IGF1R: variants seen among roughly 807,000 people sequenced by gnomAD.
IGF1R encodes insulin-like growth factor 1 receptor.
A neutral mutation model predicts 144.6 loss-of-function variants in IGF1R; 44 were observed. The ratio of observed to expected loss-of-function variants is 0.30; its 90% confidence interval spans 0.24 to 0.39. The LOEUF is 0.39. IGF1R is among the 10% of genes least tolerant of loss of function. IGF1R has a pLI of 1.00. For synonymous variants in IGF1R, 795 were observed against 722.8 expected (o/e 1.10, Z -1.60); for missense variants, 1,355 against 1,833.7 (o/e 0.74, Z 4.77).
chr15:98,947,001 G>T (rs1348866289), intron 19 of IGF1R, among the ~76,000 whole-genome samples: 1 of 152,250 alleles, frequency 6.6e-6, no homozygotes, highest in Non-Finnish European at 1.5e-5. Flanking sequence ...CATTTCAGAT[G>T]TGTGGGTACT....
At chr15:98,900,012 C>G (rs1223995755) in intron 5 of IGF1R, among the ~76,000 whole-genome samples, 1 of 152,176 alleles carries the variant, frequency 6.6e-6, no homozygotes, top group Non-Finnish European at 1.5e-5. Flanking sequence ...GGATGCTGTA[C>G]TCTACTACGC....
chr15:98,801,234 C>T (rs2056356917), intron 2 of IGF1R, among the ~76,000 whole-genome samples: 1 of 152,162 alleles, frequency 6.6e-6, no homozygotes, highest in South Asian at 2.1e-4. Context: ...GTGCTGGGGT[C>T]CACATGTGCC....
rs2014558361 is a variant in IGF1R at position 98,902,942 on chromosome 15, G to A, written c.1247+3321G>A. On this transcript the variant is annotated intron_variant, in intron 5 of 20. Transcript: ENST00000650285. Reference sequence around the variant, plus strand: ...AAATTCAAGCATTTTACATAGAGTAGAGCTCTTATTCCTCACTCAGAGCCT... The same window carrying A: ...AAATTCAAGCATTTTACATAGAGTAAAGCTCTTATTCCTCACTCAGAGCCT... Among the ~76,000 whole-genome samples, 4 of 152,114 alleles carry A rather than the reference G, an allele frequency of 2.6e-5. No individual in the cohort carries two copies. The South Asian group carries it at 8.3e-4, about 32-fold the overall frequency.
chr15:98,899,735 G>A (rs897846382), intron 5 of IGF1R, 114 bp downstream of exon 5: 1 of 1,048,882 alleles, frequency 9.5e-7, no homozygotes, highest in Non-Finnish European at 1.5e-6. Flanking sequence ...GAAGAAAGGA[G>A]GAAGCCGCAG....
intron 2 of IGF1R, among the ~76,000 whole-genome samples, chr15:98,746,341 G>A (rs2054865202): frequency 6.6e-6 from 1 of 152,184 alleles, no homozygotes; most frequent in Admixed American, 6.5e-5. Context: ...TCAAAACTTA[G>A]TGCTATCTCC....
chr15:98,685,470 C>T (rs1380755068), intron 1 of IGF1R, among the ~76,000 whole-genome samples: 1 of 152,142 alleles, frequency 6.6e-6, no homozygotes, highest in Non-Finnish European at 1.5e-5. Flanking sequence ...ATCTAGGGCA[C>T]CCGCTTCCCA....
intron 13 of IGF1R, among the ~76,000 whole-genome samples, chr15:98,929,237 T>G (rs2015846437): frequency 1.3e-5 from 2 of 152,116 alleles, no homozygotes; most frequent in Non-Finnish European, 2.9e-5. Flanking sequence ...GTCAAATGTA[T>G]GCATTTTCAC....
chr15:98,684,056 C>A (rs4299134), intron 1 of IGF1R, among the ~76,000 whole-genome samples: 20,838 of 152,142 alleles, frequency 0.14, 2,958 homozygotes, highest in African/African-American at 0.36. Context: ...GCCTCAGTCC[C>A]TCCCTCAGCC....
rs1191582086 is a variant in IGF1R at position 98,888,438 on chromosome 15, A to AGTGTGT, written c.641-2864_641-2859dup. 1.8e-3 allele frequency among the ~76,000 whole-genome samples: 261 copies of AGTGTGT among 143,446 alleles called. 1 individual carries two copies. Among genetic ancestry groups the AGTGTGT allele is most frequent in the African/African-American group, 5.5e-3 (213 of 38,774 alleles). The allele number at this position is 143,446 out of a possible 152,430, so 94.1% of individuals were successfully genotyped here. On this transcript the variant is annotated intron_variant, in intron 2 of 20. Transcript: ENST00000650285. ...TGGGGGTTTGATGAGAGAGAGAGAG[A>AGTGTGT]GTGTGTGTGTGTGTGTGTGTGTGTG...
chr15:98,882,119 T>G (rs1026515197), intron 2 of IGF1R, among the ~76,000 whole-genome samples: 8 of 152,338 alleles, frequency 5.3e-5, no homozygotes, highest in African/African-American at 1.7e-4. Context: ...TCTACACTGT[T>G]CAGACTGCCT....
At chr15:98,892,168 C>G (rs932993141) in intron 3 of IGF1R, among the ~76,000 whole-genome samples, 3 of 152,160 alleles carry the variant, frequency 2.0e-5, no homozygotes, top group Admixed American at 2.0e-4. Flanking sequence ...CACTTCCTTC[C>G]TCTCATCCCC....
In IGF1R at chr15:98,896,921, C is replaced by G. The variant is rs781749549; in HGVS notation, c.1102+16C>G. 3.2e-5 allele frequency: 51 copies of G among 1,613,336 alleles called. No individual in the cohort carries two copies. Among genetic ancestry groups the G allele is most frequent in the Non-Finnish European group, 4.3e-5 (51 of 1,179,750 alleles). The stretch of plus-strand genomic sequence containing the variant: ...CGACGGGGGAGTAAGTATTCCATCC[C>G]CCTGGAAAAACGGCTAGATCTCATG... On this transcript the variant is annotated intron_variant, in intron 4 of 20. Coordinates refer to ENST00000650285, the MANE Select transcript of IGF1R (RefSeq NM_000875.5).
intron 2 of IGF1R, among the ~76,000 whole-genome samples, chr15:98,797,538 G>C (rs1192925774): frequency 6.6e-6 from 1 of 152,208 alleles, no homozygotes; most frequent in Non-Finnish European, 1.5e-5. Flanking sequence ...CTCTTCATTT[G>C]GGGTTGGGGG....
intron 20 of IGF1R, among the ~76,000 whole-genome samples, chr15:98,953,539 C>A (rs528325203): frequency 2.3e-4 from 35 of 152,232 alleles, no homozygotes; most frequent in Non-Finnish European, 4.4e-4. Context: ...CCCTGGCTTT[C>A]AGGAAACGTA....
At chr15:98,810,142 G>C (rs1447613024) in intron 2 of IGF1R, among the ~76,000 whole-genome samples, 1 of 150,436 alleles carries the variant, frequency 6.6e-6, no homozygotes, top group Admixed American at 6.6e-5. Context: ...TGGTGTGGGG[G>C]TGGCTGGCGG....
At chr15:98,953,389 C>T (rs2016853425) in intron 20 of IGF1R, among the ~76,000 whole-genome samples, 1 of 152,152 alleles carries the variant, frequency 6.6e-6, no homozygotes, top group Non-Finnish European at 1.5e-5. Context: ...TGGTTCCCTG[C>T]TGGGTCTGTA....
intron 2 of IGF1R, among the ~76,000 whole-genome samples, chr15:98,881,846 T>C (rs1217730686): frequency 2.6e-5 from 4 of 152,194 alleles, no homozygotes; most frequent in African/African-American, 4.8e-5. Flanking sequence ...TGCAGAAATA[T>C]ATGTGAGATG....
intron 3 of IGF1R, among the ~76,000 whole-genome samples, chr15:98,894,843 A>C (rs2014100025): frequency 6.6e-6 from 1 of 152,092 alleles, no homozygotes; most frequent in Admixed American, 6.6e-5. Context: ...CAACATGGTG[A>C]AACCCCATCT....
chr15:98,954,622 G>A (rs899243080), intron 20 of IGF1R, among the ~76,000 whole-genome samples: 2 of 152,182 alleles, frequency 1.3e-5, no homozygotes, highest in Non-Finnish European at 2.9e-5. Flanking sequence ...TCACTGCCTC[G>A]CTGCTCTCCT....
Sources: gnomAD v4.1 joint callset for allele counts (sites outside exome capture counted in the v4.1 genomes callset) on GRCh38, gnomAD v4.1.1 for gene constraint, MANE v1.5 for transcripts, NCBI Gene and HGNC (gene_info 2026-07-23, HGNC 2026-07-21) for gene names.